UBA5: variants seen among roughly 807,000 people sequenced by gnomAD.
UBA5 encodes the protein ubiquitin like modifier activating enzyme 5.
In UBA5, 28 loss-of-function variants were observed where a neutral mutation model predicts 52.9. That is an observed-to-expected ratio of 0.53 (90% CI 0.39 to 0.73). The LOEUF is 0.73. Among genes scored for constraint, UBA5 ranks in the 30% least tolerant of loss-of-function variants. UBA5 has a pLI of 0.00. For synonymous variants in UBA5, 135 were observed against 162.1 expected (o/e 0.83, Z 1.27); for missense variants, 388 against 492.7 (o/e 0.79, Z 2.01).
intron 4 of UBA5, 75 bp downstream of exon 4, chr3:132,669,002 G>T (rs1938490836): frequency 3.0e-6 from 3 of 1,016,422 alleles, no homozygotes; most frequent in Admixed American, 2.7e-5. Flanking sequence ...TAATATAAAT[G>T]AATCTTAATT....
At chr3:132,659,473 T>C (rs1201486163), upstream of UBA5, 7 of 1,330,154 alleles carry the variant, frequency 5.3e-6, no homozygotes, top group Non-Finnish European at 7.2e-6. Flanking sequence ...CTCATGCCTG[T>C]AGGGTGCGTC....
rs1938855170 is a variant in UBA5 at position 132,676,702 on chromosome 3, A to AT, written c.*178dup. 1 of 614,932 alleles carries AT rather than the reference A, an allele frequency of 1.6e-6. No homozygotes were observed. Among genetic ancestry groups the AT allele is most frequent in the Non-Finnish European group, 3.0e-6 (1 of 337,788 alleles). The allele number at this position is 614,932 out of a possible 1,614,324, so 38.1% of individuals were successfully genotyped here. A position where few individuals can be genotyped will look rare whatever the true frequency, so the allele number is the denominator to read the frequency against. On this transcript the variant is annotated 3_prime_UTR_variant, in exon 12 of 12. Coordinates refer to ENST00000356232, the MANE Select transcript of UBA5 (RefSeq NM_024818.6). The surrounding 1 kb of genome is among the most constrained non-coding windows in gnomAD (Gnocchi z 4.1). ...TGTTTCTCCCCGCTCCAACGAAATC[A>AT]TTAACTCTCCTAAAATGTGTTTCAT...
chr3:132,655,580 T>G (rs149958656), upstream of UBA5, among the ~76,000 whole-genome samples: 2 of 152,264 alleles, frequency 1.3e-5, no homozygotes, highest in Non-Finnish European at 2.9e-5. Flanking sequence ...CACATTTTCA[T>G]CCCCCTTCAA....
At chr3:132,660,228 C>T, upstream of UBA5, 1 of 515,202 alleles carries the variant, frequency 1.9e-6, no homozygotes, top group Non-Finnish European at 3.5e-6. The surrounding 1 kb of genome is among the most constrained non-coding windows in gnomAD (Gnocchi z 4.1). Context: ...CTGCCCTGGA[C>T]ACTTATCACC....
chr3:132,655,458 C>T (rs1937737499), upstream of UBA5, among the ~76,000 whole-genome samples: 2 of 152,186 alleles, frequency 1.3e-5, no homozygotes, highest in African/African-American at 4.8e-5. Context: ...TACACTACTT[C>T]AGGCATTTGG....
chr3:132,660,717 CG>C lies in UBA5; in HGVS notation c.161+21del. Reference sequence around the variant, plus strand: ...CCTACAGGTAACCTGCGTCGCCGGTCGGAGGCAGGCGCGGGGGACGAGGTCA... The same window carrying C: ...CCTACAGGTAACCTGCGTCGCCGGTCGAGGCAGGCGCGGGGGACGAGGTCA... On this transcript the variant is annotated intron_variant, in intron 1 of 11. Coordinates refer to ENST00000356232, the MANE Select transcript of UBA5 (RefSeq NM_024818.6). This position sits in a 1 kb window ranked among gnomAD's most constrained non-coding sequence, Gnocchi z 4.1. The C allele has an allele frequency of 6.6e-7, 1 of 1,520,256 alleles. No individual in the cohort carries two copies. Among genetic ancestry groups the C allele is most frequent in the Non-Finnish European group, 8.9e-7 (1 of 1,128,114 alleles). 94.2% of individuals were successfully genotyped at this position (1,520,256 alleles called of 1,614,324 possible). A position where few individuals can be genotyped will look rare whatever the true frequency, so the allele number is the denominator to read the frequency against.
chr3:132,665,808 T>C lies in UBA5; in HGVS notation c.162-15T>C, dbSNP rs1559989006. 1 of 1,612,066 alleles carries C rather than the reference T, an allele frequency of 6.2e-7. No individual in the cohort carries two copies. The highest frequency in any genetic ancestry group is 1.7e-5 in the Admixed American group (1 of 59,858). ...AAGACTGTAAGCTTTAAAACATATTTTTCTTTGTTTTAAGCCGCTTGATGG... is the reference window on the plus strand; with the variant it reads ...AAGACTGTAAGCTTTAAAACATATTCTTCTTTGTTTTAAGCCGCTTGATGG... On this transcript the variant is annotated splice_polypyrimidine_tract_variant and intron_variant, in intron 1 of 11. Transcript: ENST00000356232.
upstream of UBA5, chr3:132,659,662 G>A (rs1559984654): frequency 6.2e-7 from 1 of 1,611,572 alleles, no homozygotes; most frequent in Non-Finnish European, 8.5e-7. Context: ...ACAAGTGCTG[G>A]TTTAGGTAGG....
intron 3 of UBA5, among the ~76,000 whole-genome samples, chr3:132,666,746 G>A (rs1208646615): frequency 6.6e-6 from 1 of 151,950 alleles, no homozygotes; most frequent in Non-Finnish European, 1.5e-5. Flanking sequence ...CTTAAAAGAA[G>A]GTGATTTCAA....
intron 4 of UBA5, among the ~76,000 whole-genome samples, 167 bp downstream of exon 4, chr3:132,669,094 G>T (rs76460603): frequency 6.6e-6 from 1 of 152,060 alleles, no homozygotes; most frequent in East Asian, 1.9e-4. Flanking sequence ...TTTATGTATA[G>T]GTTAGATAAT....
At chr3:132,662,040 GAATGA>G (rs1938191303) in intron 1 of UBA5, among the ~76,000 whole-genome samples, 1 of 152,144 alleles carries the variant, frequency 6.6e-6, no homozygotes, top group African/African-American at 2.4e-5. Context: ...TTTCCCTCCA[GAATGA>G]AAAGCAGAGG....
Position 132,670,195 on chromosome 3 carries a change from T to G in UBA5, c.408-3T>G. On this transcript the variant is annotated splice_region_variant and splice_polypyrimidine_tract_variant and intron_variant, in intron 4 of 11. Coordinates refer to ENST00000356232, the MANE Select transcript of UBA5 (RefSeq NM_024818.6). ...TTATAATCATTCCCTTTTTCCTTCT[T>G]AGGAACATTAATCCTGATGTTCTTT... 1 of 1,403,502 alleles carries G rather than the reference T, an allele frequency of 7.1e-7. No homozygotes were observed. Among genetic ancestry groups the G allele is most frequent in the Non-Finnish European group, 1.0e-6 (1 of 998,540 alleles). The allele number at this position is 1,403,502 out of a possible 1,614,324, so 86.9% of individuals were successfully genotyped here.
chr3:132,663,118 C>T (rs1357790173), intron 1 of UBA5, among the ~76,000 whole-genome samples: 2 of 152,076 alleles, frequency 1.3e-5, no homozygotes, highest in Non-Finnish European at 2.9e-5. Context: ...GTGAAGGTAA[C>T]TGATTTAATA....
In UBA5 at chr3:132,660,398, G is replaced by T. The variant is rs1368133264; in HGVS notation, c.-140G>T. The stretch of plus-strand genomic sequence containing the variant: ...CGTGTCTGTCTGTGAGGCGCTGGGT[G>T]CACGTCCCCAGGGCTCTGGGCTAGG... On this transcript the variant is annotated 5_prime_UTR_variant, in exon 1 of 12. Coordinates refer to ENST00000356232, the MANE Select transcript of UBA5 (RefSeq NM_024818.6). This position sits in a 1 kb window ranked among gnomAD's most constrained non-coding sequence, Gnocchi z 4.1. 9.1e-6 allele frequency: 10 copies of T among 1,093,028 alleles called. No homozygotes were observed. In the African/African-American group the frequency reaches 1.4e-4, roughly 16 times the overall value. The allele number at this position is 1,093,028 out of a possible 1,614,324, so 67.7% of individuals were successfully genotyped here.
intron 4 of UBA5, 65 bp downstream of exon 4, chr3:132,668,992 TA>T: frequency 3.7e-6 from 4 of 1,074,574 alleles, no homozygotes; most frequent in Non-Finnish European, 5.4e-6. Flanking sequence ...TGATATGAGT[TA>T]ATATAAATGA....
chr3:132,667,224 A>G (rs1938413345), intron 3 of UBA5: 1 of 152,162 alleles, frequency 6.6e-6, no homozygotes, highest in South Asian at 2.1e-4. Flanking sequence ...CAATCCCCAA[A>G]TGATTCATTT....
In UBA5 at chr3:132,678,124, A is replaced by C. The variant is rs1938911043; in HGVS notation, c.*1598A>C. On this transcript the variant is annotated 3_prime_UTR_variant, in exon 12 of 12. Coordinates refer to ENST00000356232, the MANE Select transcript of UBA5 (RefSeq NM_024818.6). ...CATCTAGAATTCACTGTCTTCTTTTATCTGCTCTCAAGTTGGCATTGCATC... is the reference window on the plus strand; with the variant it reads ...CATCTAGAATTCACTGTCTTCTTTTCTCTGCTCTCAAGTTGGCATTGCATC... 2 of 152,210 alleles carry C rather than the reference A, an allele frequency of 1.3e-5. No individual in the cohort carries two copies. The highest frequency in any genetic ancestry group is 2.4e-5 in the African/African-American group (1 of 41,450). 9.4% of individuals were successfully genotyped at this position (152,210 alleles called of 1,614,324 possible).
In UBA5 at chr3:132,675,476, T is replaced by C; in HGVS notation, c.948+93T>C. The C allele has an allele frequency of 5.3e-6, 8 of 1,515,892 alleles. 1 individual carries two copies. The highest frequency in any genetic ancestry group is 7.2e-6 in the Non-Finnish European group (8 of 1,110,726). The allele number at this position is 1,515,892 out of a possible 1,614,324, so 93.9% of individuals were successfully genotyped here. A position where few individuals can be genotyped will look rare whatever the true frequency, so the allele number is the denominator to read the frequency against. On this transcript the variant is annotated intron_variant, in intron 9 of 11. Transcript: ENST00000356232. ...AATACAAGATAAATGGTTAATTTAT[T>C]CACCATACTTCAAAAATGAATGTTC...
rs1559997513 is a variant in UBA5, at chr3:132,679,755, A to T, written c.*3229A>T. Among the ~76,000 whole-genome samples, 1 of 152,210 alleles carries T rather than the reference A, an allele frequency of 6.6e-6. No individual in the cohort carries two copies. Among genetic ancestry groups the T allele is most frequent in the Non-Finnish European group, 1.5e-5 (1 of 68,036 alleles). On this transcript the variant is annotated 3_prime_UTR_variant, in exon 12 of 12. Transcript: ENST00000356232. Reference sequence around the variant, plus strand: ...TATGTATTAAATGACTTGTACCACTAAATAATCAAATTCTAAGCTCTAACA... The same window carrying T: ...TATGTATTAAATGACTTGTACCACTTAATAATCAAATTCTAAGCTCTAACA...
Sources: allele counts gnomAD v4.1 joint callset (sites outside exome capture counted in the v4.1 genomes callset), GRCh38; gene constraint gnomAD v4.1.1; non-coding constraint Gnocchi (gnomAD v3.1); transcripts MANE v1.5; gene names NCBI Gene and HGNC (gene_info 2026-07-23, HGNC 2026-07-21).